The following LNX2 variants were observed in gnomAD, a reference collection of about 807,000 sequenced individuals.
LNX2 encodes ligand of numb-protein X 2.
In LNX2, 35 loss-of-function variants were observed where a neutral mutation model predicts 66.2. That is an observed-to-expected ratio of 0.53 (90% confidence interval 0.40 to 0.70). The LOEUF (loss-of-function observed/expected upper bound fraction) is 0.70. Among genes scored for constraint, LNX2 ranks in the 30% least tolerant of loss-of-function variants. The pLI is 0.00. For synonymous variants in LNX2, 337 were observed against 315.6 expected (o/e 1.07, Z -0.72); for missense variants, 791 against 850.8 (o/e 0.93, Z 0.87).
intron 6 of LNX2, among the ~76,000 whole-genome samples, chr13:27,557,450 T>G (rs900522773): frequency 1.3e-5 from 2 of 152,074 alleles, no homozygotes; most frequent in Admixed American, 6.5e-5. Context: ...ATGTACATAT[T>G]GTATATATGC....
At position 27,562,678 on chromosome 13, in the gene LNX2, A is replaced by C. The variant is rs1470313686; in HGVS notation, c.959T>G (p.Phe320Cys). 3 of 1,614,088 alleles carry C rather than the reference A, an allele frequency of 1.9e-6. No individual in the cohort carries two copies. Among genetic ancestry groups the C allele is most frequent in the Non-Finnish European group, 1.7e-6 (2 of 1,180,030 alleles). ...LHLTVLRERRFGNRAHNHSDS... is the reference protein window; with the variant it reads ...LHLTVLRERRCGNRAHNHSDS... ...AGAATGGTTGTGTGCTCGGTTGCCA[A>C]AGCGCCTCTCTCGAAGCACAGTAAG... Residue 320 changes from phenylalanine (F) to cysteine (C), a missense_variant, in exon 5 of 10, where the codon TTT becomes TGT. Transcript: ENST00000316334.
intron 8 of LNX2, among the ~76,000 whole-genome samples, 193 bp downstream of exon 8, chr13:27,553,015 C>T (rs2138315967): frequency 6.6e-6 from 1 of 152,270 alleles, no homozygotes; most frequent in Admixed American, 6.5e-5. Context: ...CAACTGCTTT[C>T]TTTGTGTACC....
At chr13:27,587,809 CAGG>C (rs1215375425) in intron 1 of LNX2, among the ~76,000 whole-genome samples, 3 of 151,974 alleles carry the variant, frequency 2.0e-5, no homozygotes, top group African/African-American at 4.8e-5. Flanking sequence ...ATCACAAGGT[CAGG>C]AGATCAAGAC....
chr13:27,581,882 C>G, intron 1 of LNX2, 79 bp from the exon 2 acceptor site: 1 of 408,818 alleles, frequency 2.4e-6, no homozygotes, highest in Non-Finnish European at 4.2e-6. Context: ...TGTAATATTA[C>G]TGGTTAGCTT....
chr13:27,568,219 C>A (rs371858798), intron 3 of LNX2, among the ~76,000 whole-genome samples: 16 of 152,292 alleles, frequency 1.1e-4, no homozygotes, highest in African/African-American at 3.6e-4. Context: ...ATAGAAACAG[C>A]ACAGGTGTTG....
intron 7 of LNX2, among the ~76,000 whole-genome samples, chr13:27,554,116 T>C (rs1955033664): frequency 6.6e-6 from 1 of 152,220 alleles, no homozygotes. Context: ...TACAGAAATT[T>C]ATCTCTCCCA....
intron 1 of LNX2, among the ~76,000 whole-genome samples, chr13:27,609,788 C>T (rs1486843608): frequency 6.6e-6 from 1 of 151,990 alleles, no homozygotes; most frequent in Non-Finnish European, 1.5e-5. Flanking sequence ...AGGTACTATA[C>T]CATTGAAAAA....
At chr13:27,612,466 A>C (rs904221003) in intron 1 of LNX2, among the ~76,000 whole-genome samples, 5 of 152,250 alleles carry the variant, frequency 3.3e-5, no homozygotes, top group Admixed American at 1.3e-4. Context: ...CTTTGCAGAG[A>C]CTAGGGCAGT....
At chr13:27,594,913 C>G (rs192579865) in intron 1 of LNX2, among the ~76,000 whole-genome samples, 154 of 152,282 alleles carry the variant, frequency 1.0e-3, no homozygotes, top group African/African-American at 3.5e-3. Flanking sequence ...GTTTTCCCGT[C>G]TTTTTTCTGT....
At chr13:27,581,150 C>T in intron 2 of LNX2, 147 bp downstream of exon 2, 1 of 538,390 alleles carries the variant, frequency 1.9e-6, no homozygotes, top group Non-Finnish European at 3.1e-6. Flanking sequence ...CTGTTCCATA[C>T]AACTTATTTA....
chr13:27,568,996 G>C (rs772117835), intron 3 of LNX2, 33 bp downstream of exon 3: 1 of 1,564,232 alleles, frequency 6.4e-7, no homozygotes, highest in South Asian at 1.2e-5. Flanking sequence ...AGGAAATAGA[G>C]ATGAAATACA....
chr13:27,579,809 G>A (rs749136720), intron 2 of LNX2, among the ~76,000 whole-genome samples: 32 of 152,144 alleles, frequency 2.1e-4, no homozygotes, highest in Non-Finnish European at 4.1e-4. Context: ...GCCATAACTA[G>A]TCCTGACTCA....
chr13:27,573,025 C>T (rs1955301564), intron 2 of LNX2, among the ~76,000 whole-genome samples: 1 of 152,184 alleles, frequency 6.6e-6, no homozygotes, highest in Admixed American at 6.5e-5. Context: ...TTGTCAGAAC[C>T]AGCCATTTCT....
At chr13:27,549,527 C>G (rs1954981777) in intron 9 of LNX2, among the ~76,000 whole-genome samples, 1 of 152,132 alleles carries the variant, frequency 6.6e-6, no homozygotes, top group South Asian at 2.1e-4. Context: ...CCAGATAGTC[C>G]TGGGTTTGAA....
intron 1 of LNX2, among the ~76,000 whole-genome samples, chr13:27,602,718 A>G (rs1226552428): frequency 6.6e-6 from 1 of 152,182 alleles, no homozygotes; most frequent in Non-Finnish European, 1.5e-5. Flanking sequence ...GTCCCAGGGA[A>G]GGTAGATGCT....
chr13:27,584,207 G>A (rs1034287457), intron 1 of LNX2, among the ~76,000 whole-genome samples: 12 of 152,098 alleles, frequency 7.9e-5, no homozygotes, highest in African/African-American at 2.9e-4. Flanking sequence ...CTCCAATCAC[G>A]TATATGTATT....
rs1377484241 is a variant in LNX2, at chr13:27,583,245, T to TGCGCGC, written c.-100-1443_-100-1442insGCGCGC. Among the ~76,000 whole-genome samples the TGCGCGC allele has an allele frequency of 8.1e-4, 26 of 32,218 alleles. 6 individuals carry two copies. Among genetic ancestry groups the TGCGCGC allele is most frequent in the Admixed American group, 1.7e-3 (5 of 2,876 alleles). The allele number at this position is 32,218 out of a possible 152,430, so 21.1% of individuals were successfully genotyped here. On this transcript the variant is annotated intron_variant, in intron 1 of 9. Coordinates refer to ENST00000316334, the MANE Select transcript of LNX2 (RefSeq NM_153371.4). ...GTGTGTGTGTGTGTGTGTGTGTGTG[T>TGCGCGC]GTGTGTGTGTGCGCGCGTCCTCTCC...
At chr13:27,578,698 C>T (rs1955366825) in intron 2 of LNX2, among the ~76,000 whole-genome samples, 1 of 152,172 alleles carries the variant, frequency 6.6e-6, no homozygotes, top group Admixed American at 6.5e-5. Context: ...GTAGCCTCTC[C>T]AGCTGACAAG....
chr13:27,588,855 T>C (rs1955520682), intron 1 of LNX2, among the ~76,000 whole-genome samples: 1 of 152,210 alleles, frequency 6.6e-6, no homozygotes, highest in African/African-American at 2.4e-5. Flanking sequence ...ATAACTTTTT[T>C]CAAAGTAAAA....
Sources: gnomAD v4.1 joint callset for allele counts (sites outside exome capture counted in the v4.1 genomes callset) on GRCh38, gnomAD v4.1.1 for gene constraint, MANE v1.5 for transcripts, NCBI Gene and HGNC (gene_info 2026-07-23, HGNC 2026-07-21) for gene names.